The following STYXL1 variants were observed in gnomAD, a reference collection of about 807,000 sequenced individuals.
STYXL1 encodes the protein serine/threonine/tyrosine interacting like 1.
STYXL1 carries 32 observed loss-of-function variants against 36.4 expected under a neutral mutation model. The ratio of observed to expected loss-of-function variants is 0.88; its 90% CI spans 0.66 to 1.18. The LOEUF is 1.18. Among genes scored for constraint, STYXL1 ranks in the 50% most tolerant of loss-of-function variants. STYXL1 has a pLI of 0.00. For synonymous variants in STYXL1, 133 were observed against 144.1 expected, an observed-to-expected ratio of 0.92 and a Z score of 0.55; for missense variants, 354 against 394.1, an observed-to-expected ratio of 0.90 and a Z score of 0.86.
At chr7:76,046,441 G>C (rs1797093034) in intron 1 of STYXL1, among the ~76,000 whole-genome samples, 1 of 151,776 alleles carries the variant, frequency 6.6e-6, no homozygotes, top group Non-Finnish European at 1.5e-5. Flanking sequence ...CCACCTCCTG[G>C]GTTCAAGGGA....
At chr7:76,000,855 G>A (rs1790811136) in intron 8 of STYXL1, 35 bp downstream of exon 8, 1 of 1,588,176 alleles carries the variant, frequency 6.3e-7, no homozygotes, top group East Asian at 2.2e-5. Context: ...CCCAGGGGGT[G>A]GCCGTGGTGC....
intron 7 of STYXL1, among the ~76,000 whole-genome samples, chr7:76,002,145 G>A (rs1005125508): frequency 4.6e-5 from 7 of 152,054 alleles, no homozygotes; most frequent in Non-Finnish European, 8.8e-5. Flanking sequence ...AATGTTGCCC[G>A]GGCTGGAGGG....
At chr7:76,047,263 AT>A (rs1797250369) in intron 1 of STYXL1, among the ~76,000 whole-genome samples, 1 of 152,176 alleles carries the variant, frequency 6.6e-6, no homozygotes, top group African/African-American at 2.4e-5. Flanking sequence ...TCTCAAAAAA[AT>A]AAATAAATTC....
intron 1 of STYXL1, among the ~76,000 whole-genome samples, chr7:76,036,123 C>G (rs190564030): frequency 6.7e-6 from 1 of 149,992 alleles, no homozygotes; most frequent in East Asian, 1.9e-4. Context: ...TTTCTTGAGA[C>G]AGAGTCTTGC....
chr7:76,047,831 A>G lies in STYXL1; in HGVS notation c.-174T>C. The G allele has an allele frequency of 9.0e-7, 1 of 1,116,256 alleles. No homozygotes were observed. Among genetic ancestry groups the G allele is most frequent in the Non-Finnish European group, 1.2e-6 (1 of 860,106 alleles). The allele number at this position is 1,116,256 out of a possible 1,614,324, so 69.1% of individuals were successfully genotyped here. On this transcript the variant is annotated 5_prime_UTR_variant, in exon 1 of 9. Coordinates refer to ENST00000359697, the MANE Select transcript of STYXL1 (RefSeq NM_001317785.2). ...CCCCACCTGGAAAAATGGCTCCTCT[A>G]AGGCGCTTCCAGCCTAAAGCCCGTC...
Position 76,008,821 on chromosome 7 carries a change from C to A in STYXL1, c.454-3417G>T, listed in dbSNP as rs1181094121. ...AGGAGTTCAAGACCAGCCTGGCCAA[C>A]ATAGTGAAACCCCATCTCTACTAAA... On this transcript the variant is annotated intron_variant, in intron 5 of 8. Coordinates refer to ENST00000359697, the MANE Select transcript of STYXL1 (RefSeq NM_001317785.2). 6.6e-5 allele frequency among the ~76,000 whole-genome samples: 10 copies of A among 152,132 alleles called. No individual in the cohort carries two copies. In the East Asian group the frequency reaches 1.9e-3, roughly 29 times the overall value.
Position 76,025,704 on chromosome 7 carries a change from C to T in STYXL1, c.165+2938G>A, listed in dbSNP as rs147134601. 2.8e-3 allele frequency among the ~76,000 whole-genome samples: 412 copies of T among 148,900 alleles called. 2 individuals carry two copies. The highest frequency in any genetic ancestry group is 9.5e-3 in the African/African-American group (386 of 40,446). ...ACGAGGGAGGCTGAGGCAGGAGAAT[C>T]CCTTGAACTTGGGAGATGGAGGTTG... On this transcript the variant is annotated intron_variant, in intron 3 of 8. Transcript: ENST00000359697.
chr7:76,022,624 C>T (rs1316399626), intron 3 of STYXL1, among the ~76,000 whole-genome samples: 4 of 152,200 alleles, frequency 2.6e-5, no homozygotes, highest in African/African-American at 7.2e-5. Context: ...GCGATTGTGT[C>T]ACTGCACTCC....
At chr7:76,005,585 C>T (rs1181881736) in intron 5 of STYXL1, among the ~76,000 whole-genome samples, 181 bp from the exon 6 acceptor site, 1 of 152,062 alleles carries the variant, frequency 6.6e-6, no homozygotes, top group African/African-American at 2.4e-5. Context: ...TGGCACAGGG[C>T]GAGTCATGAC....
At chr7:76,011,483 G>A (rs1792546534) in intron 5 of STYXL1, among the ~76,000 whole-genome samples, 1 of 152,152 alleles carries the variant, frequency 6.6e-6, no homozygotes, top group Non-Finnish European at 1.5e-5. Flanking sequence ...CATTTGCCCA[G>A]TCATTCTATA....
intron 6 of STYXL1, among the ~76,000 whole-genome samples, chr7:76,004,066 T>C (rs1554569271): frequency 1.3e-5 from 2 of 151,934 alleles, no homozygotes; most frequent in Admixed American, 1.3e-4. Context: ...GAAACAGAGA[T>C]GGGAGGATCA....
intron 8 of STYXL1, 38 bp from the exon 9 acceptor site, chr7:75,996,637 G>A (rs2116695671): frequency 6.2e-7 from 1 of 1,603,806 alleles, no homozygotes; most frequent in East Asian, 2.2e-5. Context: ...TTCACGATTG[G>A]TCCTGGGCCC....
intron 3 of STYXL1, among the ~76,000 whole-genome samples, chr7:76,027,626 CATAAAGCTCCAAAAATAAAG>C (rs1794868899): frequency 6.6e-6 from 1 of 151,334 alleles, no homozygotes; most frequent in African/African-American, 2.4e-5. Flanking sequence ...AAATTTACAA[CATAAAGCTCCAAAAATAAAG>C]ATAAAAATGA....
intron 5 of STYXL1, among the ~76,000 whole-genome samples, chr7:76,008,132 G>C (rs1354233704): frequency 6.8e-6 from 1 of 147,256 alleles, no homozygotes; most frequent in East Asian, 2.1e-4. Flanking sequence ...CCAGGAGGTG[G>C]AGCCTGCAGT....
intron 3 of STYXL1, among the ~76,000 whole-genome samples, chr7:76,022,340 A>T (rs1272843881): frequency 1.3e-5 from 2 of 152,064 alleles, no homozygotes; most frequent in Non-Finnish European, 2.9e-5. Flanking sequence ...TCTCATGGGG[A>T]GAGTGTTTGG....
chr7:76,004,869 C>T (rs890063662), intron 6 of STYXL1, among the ~76,000 whole-genome samples: 2 of 151,450 alleles, frequency 1.3e-5, no homozygotes, highest in East Asian at 1.9e-4. Flanking sequence ...GGCGTGGTGG[C>T]GGGCGCCTGT....
At chr7:76,026,619 GC>G (rs1794755908) in intron 3 of STYXL1, among the ~76,000 whole-genome samples, 1 of 152,206 alleles carries the variant, frequency 6.6e-6, no homozygotes, top group Admixed American at 6.5e-5. Flanking sequence ...AATGCTAATT[GC>G]ATGTGGATAT....
rs960221316 is a variant in STYXL1 at position 76,021,729 on chromosome 7, C to A, written c.307+122G>T. ...CATGAAGCTCTTTTTCTGACGCAAA[C>A]CCTGCTGTCTCAGTGTCATTGGCCT... On this transcript the variant is annotated intron_variant, in intron 4 of 8. Transcript: ENST00000359697. The A allele has an allele frequency of 4.0e-6, 3 of 743,808 alleles. No homozygotes were observed. In the East Asian group the frequency reaches 7.4e-5, roughly 18 times the overall value. The allele number at this position is 743,808 out of a possible 1,614,324, so 46.1% of individuals were successfully genotyped here.
At chr7:76,028,314 A>G (rs782024971) in intron 3 of STYXL1, among the ~76,000 whole-genome samples, 35 of 152,110 alleles carry the variant, frequency 2.3e-4, no homozygotes, top group Non-Finnish European at 4.3e-4. Context: ...GACTGCAGGC[A>G]TGAACCACCA....
Sources: allele counts gnomAD v4.1 joint callset (sites outside exome capture counted in the v4.1 genomes callset), GRCh38; gene constraint gnomAD v4.1.1; transcripts MANE v1.5; gene names NCBI Gene and HGNC (gene_info 2026-07-23, HGNC 2026-07-21).